The following UBE3A variants were observed in gnomAD, a reference collection of about 807,000 sequenced individuals.
UBE3A encodes ubiquitin protein ligase E3A.
Under a neutral mutation model 83.4 loss-of-function variants are expected in UBE3A, and 6 were observed. The ratio of observed to expected loss-of-function variants is 0.07; its 90% CI spans 0.04 to 0.14. The LOEUF (loss-of-function observed/expected upper bound fraction) is 0.14. Ranked by LOEUF, UBE3A falls within the 10% of genes least tolerant of loss-of-function variation. The probability of loss-of-function intolerance (pLI) is 1.00; values close to 1 mark genes in which losing one functional copy is unlikely to be tolerated. For synonymous variants in UBE3A, 337 were observed against 355.4 expected, an observed-to-expected ratio of 0.95 and a Z score of 0.58; for missense variants, 456 against 1,036.1, an observed-to-expected ratio of 0.44 and a Z score of 7.69.
At chr15:25,346,992 G>C (rs542501498) in intron 11 of UBE3A, 2 of 152,146 alleles carry the variant, frequency 1.3e-5, no homozygotes, top group Admixed American at 1.3e-4. Context: ...GAAGCTGAGC[G>C]AACCCCAAAT....
intron 1 of UBE3A, among the ~76,000 whole-genome samples, chr15:25,415,541 C>G (rs888502770): frequency 6.6e-6 from 1 of 152,092 alleles, no homozygotes; most frequent in Admixed American, 6.6e-5. Flanking sequence ...AACCTCTATC[C>G]CCCACCCACC....
In UBE3A at chr15:25,405,522, A is replaced by T; in HGVS notation, c.21-20T>A. 1 of 1,613,420 alleles carries T rather than the reference A, an allele frequency of 6.2e-7. No homozygotes were observed. The highest frequency in any genetic ancestry group is 2.2e-5 in the East Asian group (1 of 44,826). Reference sequence around the variant, plus strand: ...CCTGATCTGTAAAATGCAATTGAGAAACAGTTAGCAAAATATTCCATATTC... The same window carrying T: ...CCTGATCTGTAAAATGCAATTGAGATACAGTTAGCAAAATATTCCATATTC... On this transcript the variant is annotated intron_variant, in intron 3 of 12. Coordinates refer to ENST00000648336, the MANE Select transcript of UBE3A (RefSeq NM_130839.5).
chr15:25,387,893 A>C (rs1026194097), intron 4 of UBE3A, among the ~76,000 whole-genome samples: 11 of 152,232 alleles, frequency 7.2e-5, no homozygotes, highest in African/African-American at 2.7e-4. Context: ...ATTCCTTAAA[A>C]GACACAATCT....
chr15:25,358,155 T>C (rs1222922441), intron 7 of UBE3A, among the ~76,000 whole-genome samples: 1 of 151,996 alleles, frequency 6.6e-6, no homozygotes, highest in Admixed American at 6.6e-5. Context: ...GCAGATCACT[T>C]GAGCTCAGGA....
intron 11 of UBE3A, among the ~76,000 whole-genome samples, chr15:25,342,915 C>G (rs1191215620): frequency 1.3e-5 from 2 of 152,150 alleles, no homozygotes; most frequent in Non-Finnish European, 2.9e-5. Context: ...CCAGCAATGG[C>G]AGGCTCAGGA....
chr15:25,353,864 G>T (rs1212640880), intron 11 of UBE3A, among the ~76,000 whole-genome samples: 7 of 152,148 alleles, frequency 4.6e-5, no homozygotes, highest in Admixed American at 4.6e-4. Flanking sequence ...ACATCTTTCT[G>T]TGAGAATTCA....
intron 1 of UBE3A, among the ~76,000 whole-genome samples, chr15:25,416,088 A>C (rs1260788884): frequency 6.6e-6 from 1 of 152,174 alleles, no homozygotes; most frequent in African/African-American, 2.4e-5. Flanking sequence ...GAATAATTAA[A>C]ATCGGCATGC....
At chr15:25,378,525 T>G (rs1035623577) in intron 4 of UBE3A, among the ~76,000 whole-genome samples, 2 of 152,186 alleles carry the variant, frequency 1.3e-5, no homozygotes, top group Admixed American at 1.3e-4. Context: ...TTATCTCATT[T>G]GAATACCATG....
chr15:25,364,631 GGTTTTTTTTGTTT>G (rs1273897550), intron 6 of UBE3A, among the ~76,000 whole-genome samples: 2 of 138,478 alleles, frequency 1.4e-5, no homozygotes, highest in African/African-American at 2.9e-5. Flanking sequence ...GGATTTTTAG[GGTTTTTTTTGTTT>G]GTTTTTTTTT....
chr15:25,355,831 A>C, intron 9 of UBE3A, 61 bp downstream of exon 9: 1 of 1,493,248 alleles, frequency 6.7e-7, no homozygotes, highest in Non-Finnish European at 9.3e-7. Flanking sequence ...AAAAATTATA[A>C]GCATACATGC....
intron 6 of UBE3A, among the ~76,000 whole-genome samples, chr15:25,367,822 G>T (rs2152802183): frequency 6.6e-6 from 1 of 152,002 alleles, no homozygotes; most frequent in South Asian, 2.1e-4. Context: ...TAAAAGCAAT[G>T]AATATATTTT....
chr15:25,424,489 T>C (rs1748233502), intron 1 of UBE3A, among the ~76,000 whole-genome samples: 1 of 152,202 alleles, frequency 6.6e-6, no homozygotes, highest in Admixed American at 6.5e-5. Context: ...TTATGATCTC[T>C]TTTTAGGATT....
chr15:25,432,723 G>C (rs1363340445), intron 1 of UBE3A, among the ~76,000 whole-genome samples: 1 of 152,148 alleles, frequency 6.6e-6, no homozygotes, highest in African/African-American at 2.4e-5. Context: ...AAGAGTCACA[G>C]CATTAGACTC....
intron 4 of UBE3A, among the ~76,000 whole-genome samples, chr15:25,390,997 T>C (rs2084238512): frequency 6.6e-6 from 1 of 151,940 alleles, no homozygotes; most frequent in South Asian, 2.1e-4. Context: ...ATCCTACACC[T>C]GGGTATACTT....
Position 25,370,204 on chromosome 15 carries a change from A to T in UBE3A, c.1608+362T>A, listed in dbSNP as rs554237187. 7.2e-5 allele frequency among the ~76,000 whole-genome samples: 11 copies of T among 152,312 alleles called. No individual in the cohort carries two copies. Among genetic ancestry groups the T allele is most frequent in the African/African-American group, 1.4e-4 (6 of 41,580 alleles). On this transcript the variant is annotated intron_variant, in intron 6 of 12. Transcript: ENST00000648336. This position sits in a 1 kb window ranked among gnomAD's most constrained non-coding sequence, Gnocchi z 4.2. ...ATGGTTTTACTGTACCATTACTCCC[A>T]GTTCAAGACTGCACATCCACACTTA...
At chr15:25,398,775 A>ATATATATATT in intron 4 of UBE3A, among the ~76,000 whole-genome samples, 1 of 18,142 alleles carries the variant, frequency 5.5e-5, no homozygotes, top group East Asian at 6.0e-3. Context: ...TTTTATTTAT[A>ATATATATATT]TATATATATA....
At chr15:25,413,147 C>T (rs140042000) in intron 1 of UBE3A, 3 of 359,448 alleles carry the variant, frequency 8.3e-6, no homozygotes, top group African/African-American at 2.2e-5. Context: ...ATTAGGCACA[C>T]TCACTTGCCA....
intron 1 of UBE3A, among the ~76,000 whole-genome samples, chr15:25,430,865 C>T (rs550422432): frequency 5.3e-5 from 8 of 152,142 alleles, no homozygotes; most frequent in African/African-American, 1.9e-4. Flanking sequence ...ACTCCCCCAG[C>T]CTTTCATTCA....
intron 4 of UBE3A, among the ~76,000 whole-genome samples, chr15:25,401,843 C>T (rs1182342776): frequency 6.6e-6 from 1 of 152,026 alleles, no homozygotes; most frequent in Non-Finnish European, 1.5e-5. Context: ...GCTTTTAATG[C>T]TCTTTTGCAT....
Sources: allele counts gnomAD v4.1 joint callset (sites outside exome capture counted in the v4.1 genomes callset), GRCh38; gene constraint gnomAD v4.1.1; non-coding constraint Gnocchi (gnomAD v3.1); transcripts MANE v1.5; gene names NCBI Gene and HGNC (gene_info 2026-07-23, HGNC 2026-07-21).